The following BTBD9 variants were observed in gnomAD, a reference collection of about 807,000 sequenced individuals.
BTBD9 encodes BTB domain containing 9, also known as BTB/POZ domain-containing protein 9.
In BTBD9, 49 loss-of-function variants were observed where a neutral mutation model predicts 64.3. That is an observed-to-expected ratio of 0.76 (90% CI 0.61 to 0.97). The LOEUF (loss-of-function observed/expected upper bound fraction) is 0.97, where lower values mean the gene tolerates loss of function less well. BTBD9 is among the 50% of genes least tolerant of loss of function. The pLI, the probability that BTBD9 is intolerant of heterozygous loss-of-function variation, is 0.00. For synonymous variants in BTBD9, 260 were observed against 274.7 expected, an observed-to-expected ratio of 0.95 and a Z score of 0.53; for missense variants, 598 against 762.1, an observed-to-expected ratio of 0.78 and a Z score of 2.53.
At chr6:38,374,297 G>GTGTGTATATATATATATATATA (rs1582317340) in intron 6 of BTBD9, among the ~76,000 whole-genome samples, 1 of 53,700 alleles carries the variant, frequency 1.9e-5, no homozygotes, top group East Asian at 5.9e-4. Flanking sequence ...ATATATATAT[G>GTGTGTATATATATATATATATA]TATATATATG....
At chr6:38,430,241 A>G (rs1297554672) in intron 6 of BTBD9, among the ~76,000 whole-genome samples, 1 of 151,754 alleles carries the variant, frequency 6.6e-6, no homozygotes, top group Non-Finnish European at 1.5e-5. Context: ...TTTTTTAGAA[A>G]TAGGTTCTCC....
At chr6:38,624,384 G>C (rs993245256) in intron 1 of BTBD9, among the ~76,000 whole-genome samples, 1 of 152,076 alleles carries the variant, frequency 6.6e-6, no homozygotes, top group Non-Finnish European at 1.5e-5. Flanking sequence ...CTTTGGGTCT[G>C]TGCCATCTTT....
At chr6:38,192,659 C>A (rs1762127875) in intron 9 of BTBD9, 62 bp from the exon 10 acceptor site, 2 of 1,449,220 alleles carry the variant, frequency 1.4e-6, no homozygotes, top group African/African-American at 1.4e-5. Context: ...GGTAGTGTGG[C>A]CGATGGAGTC....
intron 6 of BTBD9, among the ~76,000 whole-genome samples, chr6:38,517,501 A>T (rs1773088735): frequency 6.6e-6 from 1 of 152,004 alleles, no homozygotes. Flanking sequence ...TCACTTTTGG[A>T]CTTGTATGAA....
intron 6 of BTBD9, among the ~76,000 whole-genome samples, chr6:38,441,827 A>C (rs750511297): frequency 7.2e-5 from 11 of 152,114 alleles, no homozygotes; most frequent in Admixed American, 6.5e-4. Context: ...CCTGACAACA[A>C]CCTATGAAGT....
intron 7 of BTBD9, among the ~76,000 whole-genome samples, chr6:38,288,757 T>C (rs1347618853): frequency 1.3e-5 from 2 of 151,278 alleles, no homozygotes; most frequent in Non-Finnish European, 2.9e-5. Context: ...TGAAACCCCA[T>C]CTCTACTAAA....
rs1773965637 is a variant in BTBD9, at chr6:38,535,107, T to C, written c.1154+42493A>G. On this transcript the variant is annotated intron_variant, in intron 6 of 10. Coordinates refer to ENST00000481247, the MANE Select transcript of BTBD9 (RefSeq NM_001099272.2). ...TGTTTGAAGAGGATATGATCTTACATTTGGAAAAATCTAAAGACTCCATCA... is the reference window on the plus strand; with the variant it reads ...TGTTTGAAGAGGATATGATCTTACACTTGGAAAAATCTAAAGACTCCATCA... 2.0e-5 allele frequency among the ~76,000 whole-genome samples: 3 copies of C among 152,102 alleles called. 1 individual carries two copies. The highest frequency in any genetic ancestry group is 2.0e-4 in the Admixed American group (3 of 15,262).
intron 6 of BTBD9, among the ~76,000 whole-genome samples, chr6:38,383,464 A>T (rs1227553630): frequency 6.6e-6 from 1 of 152,214 alleles, no homozygotes. Flanking sequence ...TAAACTTCAG[A>T]AGGATGATCA....
chr6:38,573,576 G>A (rs1480990251), intron 6 of BTBD9, among the ~76,000 whole-genome samples: 4 of 151,976 alleles, frequency 2.6e-5, no homozygotes, highest in Admixed American at 6.6e-5. Flanking sequence ...CTCTCTCAAC[G>A]GGCATAACCT....
At chr6:38,373,874 A>G (rs1765524387) in intron 6 of BTBD9, among the ~76,000 whole-genome samples, 1 of 152,186 alleles carries the variant, frequency 6.6e-6, no homozygotes, top group African/African-American at 2.4e-5. Flanking sequence ...AAAAGTTTAT[A>G]TCATTAAAAA....
In BTBD9 at chr6:38,261,400, A is replaced by T. The variant is rs1470152698; in HGVS notation, c.1455-4884T>A. The stretch of plus-strand genomic sequence containing the variant: ...CCAACCCCAAGCAAAAATCTATACC[A>T]ATTTATATTAACACTACCAGCACTG... On this transcript the variant is annotated intron_variant, in intron 8 of 10. Transcript: ENST00000481247. 4.6e-5 allele frequency among the ~76,000 whole-genome samples: 7 copies of T among 152,124 alleles called. No homozygotes were observed. The East Asian group carries it at 9.6e-4, about 21-fold the overall frequency.
At chr6:38,199,331 T>C (rs1416114730) in intron 9 of BTBD9, among the ~76,000 whole-genome samples, 1 of 151,650 alleles carries the variant, frequency 6.6e-6, no homozygotes, top group Admixed American at 6.6e-5. Flanking sequence ...GGAGAGTCCC[T>C]TTCGGGAGCC....
At chr6:38,417,802 A>AGAGAG (rs55963730) in intron 6 of BTBD9, among the ~76,000 whole-genome samples, 19 of 102,474 alleles carry the variant, frequency 1.9e-4, no homozygotes, top group East Asian at 1.5e-3. Context: ...GAGAGAGAGA[A>AGAGAG]AAAAAATATT....
At chr6:38,196,291 G>A (rs1762272248) in intron 9 of BTBD9, among the ~76,000 whole-genome samples, 1 of 152,012 alleles carries the variant, frequency 6.6e-6, no homozygotes, top group Non-Finnish European at 1.5e-5. Context: ...GGGAATAATA[G>A]GAATAACTAC....
intron 8 of BTBD9, among the ~76,000 whole-genome samples, chr6:38,268,101 T>C (rs1436486527): frequency 1.3e-5 from 2 of 152,220 alleles, no homozygotes; most frequent in Non-Finnish European, 2.9e-5. Context: ...TAGAATGAAT[T>C]ATGTTTCAAT....
At chr6:38,598,865 C>T (rs952569904) in intron 1 of BTBD9, among the ~76,000 whole-genome samples, 1 of 151,968 alleles carries the variant, frequency 6.6e-6, no homozygotes. Context: ...TGCTGTGAGT[C>T]GAGATGGCGC....
chr6:38,538,672 A>T (rs1304799862), intron 6 of BTBD9, among the ~76,000 whole-genome samples: 1 of 152,040 alleles, frequency 6.6e-6, no homozygotes, highest in Non-Finnish European at 1.5e-5. Context: ...CAGTGGTGCA[A>T]TTATAGCTCA....
chr6:38,267,661 C>T (rs925585055), intron 8 of BTBD9, among the ~76,000 whole-genome samples: 4 of 152,296 alleles, frequency 2.6e-5, no homozygotes, highest in East Asian at 1.9e-4. Context: ...GGAGAGGGGT[C>T]GGGCACGGTG....
In BTBD9 at chr6:38,323,000, A is replaced by G. The variant is rs528785792; in HGVS notation, c.1264+21984T>C. 6.6e-5 allele frequency among the ~76,000 whole-genome samples: 10 copies of G among 152,350 alleles called. No individual in the cohort carries two copies. In the South Asian group the frequency reaches 2.1e-3, roughly 32 times the overall value. ...ATGGTTTAAAGTAATATGTACTCAG[A>G]AGAAGGGGAGATGTCTGAATAGTAA... is the stretch of plus-strand genomic sequence containing the variant. On this transcript the variant is annotated intron_variant, in intron 7 of 10. Coordinates refer to ENST00000481247, the MANE Select transcript of BTBD9 (RefSeq NM_001099272.2).
Sources: allele counts gnomAD v4.1 joint callset (sites outside exome capture counted in the v4.1 genomes callset), GRCh38; gene constraint gnomAD v4.1.1; transcripts MANE v1.5; gene names NCBI Gene and HGNC (gene_info 2026-07-23, HGNC 2026-07-21).